The following PLCH2 variants were observed in gnomAD, a reference collection of about 807,000 sequenced individuals.
PLCH2 encodes the protein phospholipase C eta 2.
In PLCH2, 98 loss-of-function variants were observed where a neutral mutation model predicts 134.7. That is an observed-to-expected ratio of 0.73 (90% confidence interval 0.62 to 0.86). The LOEUF (loss-of-function observed/expected upper bound fraction) is 0.86, where lower values mean the gene tolerates loss of function less well. PLCH2 is among the 40% of genes least tolerant of loss of function. The pLI is 0.00. For missense variants in PLCH2, 1,994 were observed against 1,986.6 expected, an observed-to-expected ratio of 1.00 and a Z score of -0.07; for synonymous variants, 974 against 827.5, an observed-to-expected ratio of 1.18 and a Z score of -3.04.
chr1:2,417,670 G>A, the PLCH2 span, among the ~76,000 whole-genome samples: 1 of 152,204 alleles, frequency 6.6e-6, no homozygotes. Flanking sequence ...AGCCGGTGAG[G>A]GGCTGTGTGC....
chr1:2,504,438 C>A lies in PLCH2; in HGVS notation c.3476C>A (p.Ser1159Tyr). 1 of 1,612,690 alleles carries A rather than the reference C, an allele frequency of 6.2e-7. No individual in the cohort carries two copies. The change falls in exon 22 of 22, where the codon TCC becomes TAC. Residue 1159 changes from serine (S) to tyrosine (Y), a missense_variant. Transcript: ENST00000378486. ...MSSSDTVIDLSLPSLGLGRSR... is the reference protein window; with the variant it reads ...MSSSDTVIDLYLPSLGLGRSR... The stretch of plus-strand genomic sequence containing the variant: ...TCCAGCGACACTGTCATTGACCTCT[C>A]CCTGCCCAGCCTGGGCCTGGGCCGC...
intron 20 of PLCH2, chr1:2,500,552 G>C (rs1051811808): frequency 2.6e-5 from 4 of 152,348 alleles, no homozygotes; most frequent in African/African-American, 9.7e-5. Context: ...AGCTCTGTTA[G>C]GAGCCTTGAA....
chr1:2,421,869 G>C (rs1442092715), upstream of PLCH2, among the ~76,000 whole-genome samples: 1 of 152,074 alleles, frequency 6.6e-6, no homozygotes, highest in Non-Finnish European at 1.5e-5. Context: ...AGCTACACAG[G>C]AGGCTGAGGC....
At chr1:2,424,816 T>C (rs1311791821), upstream of PLCH2, among the ~76,000 whole-genome samples, 2 of 152,030 alleles carry the variant, frequency 1.3e-5, no homozygotes, top group African/African-American at 2.4e-5. Flanking sequence ...TGAAACCCTG[T>C]CTCTACTAAA....
At chr1:2,455,907 CGT>C (rs2100570355) in intron 2 of PLCH2, among the ~76,000 whole-genome samples, 1 of 152,330 alleles carries the variant, frequency 6.6e-6, no homozygotes, top group Non-Finnish European at 1.5e-5. Flanking sequence ...GGGCTGTGTG[CGT>C]GTGTGTGCCT....
chr1:2,505,327 T>C lies in PLCH2; in HGVS notation c.*114T>C. The C allele has an allele frequency of 1.3e-6, 1 of 769,054 alleles. No individual in the cohort carries two copies. Among genetic ancestry groups the C allele is most frequent in the Non-Finnish European group, 2.0e-6 (1 of 492,932 alleles). The allele number at this position is 769,054 out of a possible 1,614,324, so 47.6% of individuals were successfully genotyped here. On this transcript the variant is annotated 3_prime_UTR_variant, in exon 22 of 22. Transcript: ENST00000378486. Reference sequence around the variant, plus strand: ...CAAAACTGTGTCCCCCTGGCTGCCCTGTGTCCCCTCCACCCCTGCCTCCCT... The same window carrying C: ...CAAAACTGTGTCCCCCTGGCTGCCCCGTGTCCCCTCCACCCCTGCCTCCCT...
chr1:2,467,327 T>A, upstream of PLCH2: 1 of 350,084 alleles, frequency 2.9e-6, no homozygotes, highest in Non-Finnish European at 5.1e-6. Flanking sequence ...CCAGGTGTCC[T>A]CCCTTCCCAC....
At position 2,436,434 on chromosome 1, in the gene PLCH2, CTCCTCCCT is replaced by C. The variant is rs767010317; in HGVS notation, c.115+5822_115+5829del. Among the ~76,000 whole-genome samples, 148 of 45,600 alleles carry C rather than the reference CTCCTCCCT, an allele frequency of 3.2e-3. 12 individuals are homozygous for C. Among genetic ancestry groups the C allele is most frequent in the Non-Finnish European group, 4.4e-3 (121 of 27,770 alleles). 29.9% of individuals were successfully genotyped at this position (45,600 alleles called of 152,430 possible). A position where few individuals can be genotyped will look rare whatever the true frequency, so the allele number is the denominator to read the frequency against. On this transcript the variant is annotated intron_variant, in intron 2 of 3. Transcript: ENST00000609981. The stretch of plus-strand genomic sequence containing the variant: ...TCCCTCCACCTTTCCTCCTTTCTCC[CTCCTCCCT>C]TCCTCCCTTCCTCCCTCCACCTTTC...
intron 1 of PLCH2, among the ~76,000 whole-genome samples, chr1:2,478,160 A>T (rs1641740976): frequency 6.6e-6 from 1 of 152,084 alleles, no homozygotes. Context: ...AGGTGGTGGG[A>T]GTGGCAGGTG....
chr1:2,473,350 G>T (rs1049817992), upstream of PLCH2, among the ~76,000 whole-genome samples: 2 of 152,188 alleles, frequency 1.3e-5, no homozygotes, highest in Non-Finnish European at 2.9e-5. Context: ...GAGCCCAGGG[G>T]ATCACGGGCG....
chr1:2,416,040 C>A, the PLCH2 span, among the ~76,000 whole-genome samples: 7 of 152,240 alleles, frequency 4.6e-5, no homozygotes, highest in African/African-American at 1.7e-4. Flanking sequence ...CCCACCAACA[C>A]CCAGTGCGGT....
At position 2,504,195 on chromosome 1, in the gene PLCH2, G is replaced by T. The variant is rs747515080; in HGVS notation, c.3233G>T (p.Gly1078Val). The T allele has an allele frequency of 3.2e-6, 5 of 1,547,966 alleles. No homozygotes were observed. Among genetic ancestry groups the T allele is most frequent in the Non-Finnish European group, 1.7e-6 (2 of 1,147,526 alleles). ...YERAPGSQTD[G>V]RSQPRTLGHL... is the part of the protein sequence containing the mutation. ...AGGGCCCCCGGCAGCCAGACGGACG[G>T]CAGGAGCCAGCCCCGGACCCTGGGC... The change falls in exon 22 of 22, where the codon GGC becomes GTC. Residue 1078 changes from glycine to valine, a missense_variant. Physicochemically the swap from Gly to Val is moderately radical, Grantham distance 109. Transcript: ENST00000378486.
intron 2 of PLCH2, among the ~76,000 whole-genome samples, chr1:2,443,216 C>A (rs1316917348): frequency 6.6e-6 from 1 of 152,230 alleles, no homozygotes; most frequent in African/African-American, 2.4e-5. Flanking sequence ...GGCCGTACCC[C>A]GTTCTCAGCA....
chr1:2,445,520 C>G lies in PLCH2; in HGVS notation c.115+14891C>G, dbSNP rs372776543. Among the ~76,000 whole-genome samples, 70 of 151,816 alleles carry G rather than the reference C, an allele frequency of 4.6e-4. 1 individual carries two copies. The highest frequency in any genetic ancestry group is 4.5e-3 in the East Asian group (23 of 5,130). On this transcript the variant is annotated intron_variant, in intron 2 of 3. Coordinates refer to the PLCH2 transcript ENST00000609981. Reference sequence around the variant, plus strand: ...CCCTGAGCATGAGGCTGGGGTCAGGCCTGATGTCCAGCCTCTGGCAGAGCT... The same window carrying G: ...CCCTGAGCATGAGGCTGGGGTCAGGGCTGATGTCCAGCCTCTGGCAGAGCT...
intron 16 of PLCH2, 123 bp downstream of exon 16, chr1:2,497,732 C>T (rs142531410): frequency 4.5e-6 from 3 of 667,198 alleles, no homozygotes; most frequent in Non-Finnish European, 7.8e-6. Flanking sequence ...TTGGCAGAGT[C>T]CCCTGGAGGG....
At chr1:2,477,208 T>C (rs1478738011) in intron 1 of PLCH2, among the ~76,000 whole-genome samples, 1 of 152,118 alleles carries the variant, frequency 6.6e-6, no homozygotes, top group East Asian at 1.9e-4. Context: ...CAGCTCTCTG[T>C]TCCAGCGGCA....
intron 1 of PLCH2, among the ~76,000 whole-genome samples, chr1:2,428,093 G>C (rs562570614): frequency 6.6e-6 from 1 of 152,190 alleles, no homozygotes; most frequent in Admixed American, 6.5e-5. Context: ...TGGGGACAGG[G>C]TCCAGGGGAC....
At position 2,489,885 on chromosome 1, in the gene PLCH2, TG is replaced by T; in HGVS notation, c.1515+20del. 6.4e-7 allele frequency: 1 copy of T among 1,552,624 alleles called. No individual in the cohort carries two copies. Among genetic ancestry groups the T allele is most frequent in the Non-Finnish European group, 8.9e-7 (1 of 1,124,602 alleles). On this transcript the variant is annotated intron_variant, in intron 10 of 21. Transcript: ENST00000378486. ...ATGGGGATGTGAGTCGGGCTGGAGG[TG>T]GAGGGGGGCGCGTGGAGCCTGCAGT... is the stretch of plus-strand genomic sequence containing the variant.
At chr1:2,427,737 C>A (rs546443760) in intron 1 of PLCH2, among the ~76,000 whole-genome samples, 1 of 152,140 alleles carries the variant, frequency 6.6e-6, no homozygotes, top group Admixed American at 6.5e-5. Flanking sequence ...GCGTGAGGGG[C>A]CACCGCAGGT....
Sources: gnomAD v4.1 joint callset for allele counts (sites outside exome capture counted in the v4.1 genomes callset) on GRCh38, gnomAD v4.1.1 for gene constraint, MANE v1.5 for transcripts, NCBI Gene and HGNC (gene_info 2026-07-23, HGNC 2026-07-21) for gene names.